PRKN: variants seen among roughly 807,000 people sequenced by gnomAD.
PRKN encodes the protein E3 ubiquitin-protein ligase parkin.
A neutral mutation model predicts 59.5 loss-of-function variants in PRKN; 56 were observed. The ratio of observed to expected loss-of-function variants is 0.94; its 90% CI spans 0.76 to 1.18. PRKN has a LOEUF of 1.18. Among genes scored for constraint, PRKN ranks in the 50% most tolerant of loss-of-function variants. The pLI, the probability that PRKN is intolerant of heterozygous loss-of-function variation, is 0.00. For missense variants in PRKN, 657 were observed against 596.4 expected, an observed-to-expected ratio of 1.10 and a Z score of -1.06; for synonymous variants, 250 against 222.1, an observed-to-expected ratio of 1.13 and a Z score of -1.12.
At chr6:162,234,101 T>C (rs965348886) in intron 3 of PRKN, among the ~76,000 whole-genome samples, 4 of 152,202 alleles carry the variant, frequency 2.6e-5, no homozygotes, top group Non-Finnish European at 4.4e-5. Context: ...ATCATAGTAT[T>C]GAACCTAACA....
At chr6:162,564,077 T>A (rs1263852455) in intron 1 of PRKN, among the ~76,000 whole-genome samples, 1 of 151,706 alleles carries the variant, frequency 6.6e-6, no homozygotes, top group Non-Finnish European at 1.5e-5. Flanking sequence ...CTGGGTGCGG[T>A]GGCTCATGCC....
chr6:162,248,275 A>ATT (rs1779281955), intron 3 of PRKN, among the ~76,000 whole-genome samples: 1 of 152,182 alleles, frequency 6.6e-6, no homozygotes, highest in Admixed American at 6.6e-5. Flanking sequence ...CATGCTGTCC[A>ATT]TTATATATAT....
chr6:161,612,718 C>CAAAAA (rs57084261), intron 7 of PRKN, among the ~76,000 whole-genome samples: 10 of 59,608 alleles, frequency 1.7e-4, no homozygotes, highest in Admixed American at 4.3e-4. Flanking sequence ...GACTCCATCT[C>CAAAAA]AAAAAAAAAA....
At chr6:161,777,430 C>T (rs1348721238) in intron 7 of PRKN, among the ~76,000 whole-genome samples, 8 of 151,624 alleles carry the variant, frequency 5.3e-5, no homozygotes, top group Non-Finnish European at 8.8e-5. Context: ...CCTGGCCATA[C>T]CTTGAAGAAT....
rs533602684 is a variant in PRKN at position 162,595,960 on chromosome 6, C to T, written c.7+131702G>A. Among the ~76,000 whole-genome samples, 115 of 152,086 alleles carry T rather than the reference C, an allele frequency of 7.6e-4. 1 individual carries two copies. The South Asian group carries it at 8.9e-3, about 12-fold the overall frequency. On this transcript the variant is annotated intron_variant, in intron 1 of 11. Transcript: ENST00000366898. ...TATACTTTTAACTTAATCCAAAATG[C>T]CTTCACAATTTCTAACAAGTTTGCT...
At chr6:161,813,072 A>G (rs1791625582) in intron 6 of PRKN, among the ~76,000 whole-genome samples, 1 of 152,244 alleles carries the variant, frequency 6.6e-6, no homozygotes, top group Admixed American at 6.5e-5. Context: ...CAAAAGATAA[A>G]TCAGACATGG....
chr6:162,148,360 T>C lies in PRKN; in HGVS notation c.534+52771A>G, dbSNP rs11967005. ...ACTTCTGAATTCACCAGCGTTTGGG[T>C]TTCCACGCCTAAGAGCTTGAAAAAA... On this transcript the variant is annotated intron_variant, in intron 4 of 11. Transcript: ENST00000366898. Among the ~76,000 whole-genome samples, 683 of 132,342 alleles carry C rather than the reference T, an allele frequency of 5.2e-3. 6 individuals are homozygous for C. The highest frequency in any genetic ancestry group is 0.019 in the African/African-American group (655 of 34,634). The allele number at this position is 132,342 out of a possible 152,430, so 86.8% of individuals were successfully genotyped here.
intron 10 of PRKN, among the ~76,000 whole-genome samples, chr6:161,367,323 T>TA (rs1245615454): frequency 6.6e-6 from 1 of 152,116 alleles, no homozygotes; most frequent in Admixed American, 6.5e-5. Context: ...GAGGGTGTTT[T>TA]AGCCGGCAGG....
rs146776854 is a variant in PRKN, at chr6:161,495,507, C to T, written c.1083+53347G>A. Among the ~76,000 whole-genome samples the T allele has an allele frequency of 2.6e-3, 402 of 152,322 alleles. 2 individuals carry two copies. Among genetic ancestry groups the T allele is most frequent in the African/African-American group, 8.1e-3 (335 of 41,580 alleles). On this transcript the variant is annotated intron_variant, in intron 9 of 11. Coordinates refer to ENST00000366898, the MANE Select transcript of PRKN (RefSeq NM_004562.3). ...CTGGATCTGGCACCTGAGATGTAAA[C>T]GAAAGTGAAGCGTGCCATTTCTGGG... is the stretch of plus-strand genomic sequence containing the variant.
At chr6:161,494,940 C>T (rs961364995) in intron 9 of PRKN, among the ~76,000 whole-genome samples, 2 of 152,098 alleles carry the variant, frequency 1.3e-5, no homozygotes, top group Admixed American at 1.3e-4. Context: ...ATCTTTCTTG[C>T]CCTCTACACC....
intron 1 of PRKN, among the ~76,000 whole-genome samples, chr6:162,620,282 AG>A (rs1782610414): frequency 1.3e-5 from 2 of 152,134 alleles, no homozygotes; most frequent in East Asian, 3.9e-4. Flanking sequence ...AGTGAAAATG[AG>A]GAACTGCTGC....
Position 162,010,280 on chromosome 6 carries a change from G to A in PRKN, c.619-36863C>T, listed in dbSNP as rs1199241904. On this transcript the variant is annotated intron_variant, in intron 5 of 11. Coordinates refer to ENST00000366898, the MANE Select transcript of PRKN (RefSeq NM_004562.3). ...TATATATTTTATATATATTATGTATGATAAATATATTTTATATATTTATTA... is the reference window on the plus strand; with the variant it reads ...TATATATTTTATATATATTATGTATAATAAATATATTTTATATATTTATTA... Among the ~76,000 whole-genome samples, 264 of 112,636 alleles carry A rather than the reference G, an allele frequency of 2.3e-3. 7 individuals are homozygous for A. Among genetic ancestry groups the A allele is most frequent in the African/African-American group, 9.0e-3 (251 of 27,914 alleles). 73.9% of individuals were successfully genotyped at this position (112,636 alleles called of 152,430 possible). A position where few individuals can be genotyped will look rare whatever the true frequency, so the allele number is the denominator to read the frequency against.
At chr6:161,443,586 T>C (rs1332313499) in intron 9 of PRKN, among the ~76,000 whole-genome samples, 3 of 152,248 alleles carry the variant, frequency 2.0e-5, no homozygotes, top group Non-Finnish European at 2.9e-5. Flanking sequence ...AATCACACCA[T>C]ATAAATTATT....
intron 7 of PRKN, among the ~76,000 whole-genome samples, chr6:161,634,783 A>C (rs1225424408): frequency 1.3e-5 from 2 of 152,184 alleles, no homozygotes; most frequent in Admixed American, 6.5e-5. Flanking sequence ...GGTCATAAGA[A>C]CTCAAAAAAG....
At chr6:162,261,942 C>A (rs1779905182) in intron 3 of PRKN, among the ~76,000 whole-genome samples, 1 of 152,078 alleles carries the variant, frequency 6.6e-6, no homozygotes, top group African/African-American at 2.4e-5. Context: ...CTGCCAGGAT[C>A]TATTGTATGT....
Position 162,012,687 on chromosome 6 carries a change from C to A in PRKN, c.619-39270G>T, listed in dbSNP as rs1259788519. 1.7e-4 allele frequency among the ~76,000 whole-genome samples: 26 copies of A among 152,110 alleles called. 1 individual carries two copies. ...TTATATCTGTAACACCCAAGCCCCC[C>A]AAATTGAACCGAGGACCACCTGCTG... is the stretch of plus-strand genomic sequence containing the variant. On this transcript the variant is annotated intron_variant, in intron 5 of 11. Transcript: ENST00000366898.
At chr6:161,534,690 G>A (rs2115393460) in intron 9 of PRKN, among the ~76,000 whole-genome samples, 1 of 152,352 alleles carries the variant, frequency 6.6e-6, no homozygotes, top group East Asian at 1.9e-4. Flanking sequence ...TCAGCACAGT[G>A]GCTGTGACAT....
chr6:161,995,493 C>G (rs1008134936), intron 5 of PRKN, among the ~76,000 whole-genome samples: 1 of 151,960 alleles, frequency 6.6e-6, no homozygotes, highest in Non-Finnish European at 1.5e-5. Context: ...GAGAAAATAT[C>G]TCCAAACTAT....
intron 9 of PRKN, among the ~76,000 whole-genome samples, chr6:161,478,105 T>C (rs1332464528): frequency 3.3e-5 from 5 of 152,168 alleles, no homozygotes; most frequent in African/African-American, 1.2e-4. Context: ...CTTTCAAGAT[T>C]TGGGGCCTGG....
Sources: allele counts gnomAD v4.1 joint callset (sites outside exome capture counted in the v4.1 genomes callset), GRCh38; gene constraint gnomAD v4.1.1; transcripts MANE v1.5; gene names NCBI Gene and HGNC (gene_info 2026-07-23, HGNC 2026-07-21).